LPP: variants seen among roughly 807,000 people sequenced by gnomAD.
The protein encoded by LPP is lipoma-preferred partner.
Under a neutral mutation model 60.4 loss-of-function variants are expected in LPP, and 38 were observed. That is an observed-to-expected ratio of 0.63 (90% CI 0.49 to 0.83). The LOEUF is 0.83. LPP is among the 40% of genes least tolerant of loss of function. LPP has a pLI of 0.00. For missense variants in LPP, 902 were observed against 783.6 expected, an observed-to-expected ratio of 1.15 and a Z score of -1.80; for synonymous variants, 328 against 290.8, an observed-to-expected ratio of 1.13 and a Z score of -1.30.
At chr3:188,219,885 C>T (rs1208305828) in intron 1 of LPP, among the ~76,000 whole-genome samples, 2 of 152,198 alleles carry the variant, frequency 1.3e-5, no homozygotes, top group Non-Finnish European at 2.9e-5. Flanking sequence ...CCCAATCCTC[C>T]TGTAAACTTC....
intron 1 of LPP, among the ~76,000 whole-genome samples, chr3:188,187,731 C>T (rs777302122): frequency 2.0e-5 from 3 of 151,922 alleles, no homozygotes; most frequent in Non-Finnish European, 2.9e-5. Flanking sequence ...TTATTTAAAC[C>T]CCTGTGTTTT....
At chr3:188,441,609 C>CTTTTTCTTTTTTTTTTTTTTTTTTTTT (rs1793903893) in intron 4 of LPP, among the ~76,000 whole-genome samples, 1 of 55,652 alleles carries the variant, frequency 1.8e-5, no homozygotes, top group Non-Finnish European at 3.4e-5. Flanking sequence ...CTTTTCTTTT[C>CTTTTTCTTTTTTTTTTTTTTTTTTTTT]TTTTTTTTTT....
intron 8 of LPP, among the ~76,000 whole-genome samples, chr3:188,731,516 T>TTTTGTTTTGTTTTGTTTTG (rs1553817764): frequency 7.5e-5 from 11 of 145,700 alleles, no homozygotes; most frequent in African/African-American, 1.0e-4. Context: ...TTTTTTGTTT[T>TTTTGTTTTGTTTTGTTTTG]TTTTGTTTTG....
intron 7 of LPP, among the ~76,000 whole-genome samples, chr3:188,672,312 A>G (rs775179388): frequency 3.3e-5 from 5 of 151,792 alleles, no homozygotes; most frequent in Non-Finnish European, 7.4e-5. Flanking sequence ...CATCCAGTGC[A>G]GAAGTTCATG....
intron 3 of LPP, among the ~76,000 whole-genome samples, chr3:188,356,968 G>A (rs1433975699): frequency 6.6e-6 from 1 of 152,154 alleles, no homozygotes; most frequent in Non-Finnish European, 1.5e-5. Context: ...GTGGGTGAAT[G>A]CCCACAACTT....
chr3:188,407,784 G>GTT lies in LPP; in HGVS notation c.193+1473_193+1474dup, dbSNP rs1397646143. The stretch of plus-strand genomic sequence containing the variant: ...TCATTTATGGTTTTTTTTTTTGTTT[G>GTT]TTTGTTTTTTTTTTTTTTTTTTTGA... On this transcript the variant is annotated intron_variant, in intron 4 of 11. Transcript: ENST00000617246. Among the ~76,000 whole-genome samples the GTT allele has an allele frequency of 6.2e-4, 71 of 114,808 alleles. 1 individual carries two copies. Among genetic ancestry groups the GTT allele is most frequent in the African/African-American group, 2.4e-3 (63 of 26,658 alleles). The allele number at this position is 114,808 out of a possible 152,430, so 75.3% of individuals were successfully genotyped here.
At chr3:188,624,450 G>T (rs771393356) in intron 7 of LPP, among the ~76,000 whole-genome samples, 1 of 152,120 alleles carries the variant, frequency 6.6e-6, no homozygotes. Flanking sequence ...AAAAACTGTC[G>T]TTCTTGAAAC....
At chr3:188,736,441 T>G (rs1217822386) in intron 8 of LPP, among the ~76,000 whole-genome samples, 1 of 152,150 alleles carries the variant, frequency 6.6e-6, no homozygotes, top group East Asian at 1.9e-4. Context: ...AAAAAAAATT[T>G]TATTCACATT....
chr3:188,676,617 T>C (rs972877300), intron 7 of LPP, among the ~76,000 whole-genome samples: 3 of 152,200 alleles, frequency 2.0e-5, no homozygotes, highest in Non-Finnish European at 2.9e-5. Flanking sequence ...AAAATCTCCA[T>C]CAACATCTAA....
intron 5 of LPP, among the ~76,000 whole-genome samples, chr3:188,521,186 C>T (rs1433497676): frequency 6.6e-6 from 1 of 152,210 alleles, no homozygotes; most frequent in Non-Finnish European, 1.5e-5. Context: ...TCTCCCCTCT[C>T]ACCCCACGCT....
intron 4 of LPP, among the ~76,000 whole-genome samples, chr3:188,411,720 C>T (rs1418807409): frequency 1.3e-5 from 2 of 152,118 alleles, no homozygotes; most frequent in Non-Finnish European, 2.9e-5. Flanking sequence ...AACCACCCCA[C>T]CCCCAAAAAT....
intron 7 of LPP, among the ~76,000 whole-genome samples, chr3:188,636,227 G>C (rs1248377909): frequency 6.6e-6 from 1 of 152,224 alleles, no homozygotes; most frequent in Non-Finnish European, 1.5e-5. Context: ...AGCAGGGCGA[G>C]GCATTGCCTC....
Position 188,868,312 on chromosome 3 carries a change from C to A in LPP, c.1589+1934C>A, listed in dbSNP as rs144699330. On this transcript the variant is annotated intron_variant, in intron 10 of 11. Transcript: ENST00000617246. ...AATTAAAACAGGAAATCAATTTTGA[C>A]AAATGCCAATTTATATCTATGCCAT... Among the ~76,000 whole-genome samples, 506 of 152,258 alleles carry A rather than the reference C, an allele frequency of 3.3e-3. 3 individuals carry two copies. Among genetic ancestry groups the A allele is most frequent in the African/African-American group, 0.012 (498 of 41,540 alleles).
Position 188,550,524 on chromosome 3 carries a change from G to A in LPP, c.429+25737G>A, listed in dbSNP as rs1827828529. On this transcript the variant is annotated intron_variant, in intron 6 of 11. Transcript: ENST00000617246. ...ACCTGAGAGGCGGAGGTTGCGGTGA[G>A]CCGAGATCACGCCACTGCACTCCAG... 2.2e-5 allele frequency among the ~76,000 whole-genome samples: 3 copies of A among 138,334 alleles called. No individual in the cohort carries two copies. The South Asian group carries it at 6.8e-4, about 32-fold the overall frequency. The allele number at this position is 138,334 out of a possible 152,430, so 90.8% of individuals were successfully genotyped here. A position where few individuals can be genotyped will look rare whatever the true frequency, so the allele number is the denominator to read the frequency against.
intron 2 of LPP, among the ~76,000 whole-genome samples, chr3:188,235,071 C>T (rs1721402092): frequency 6.6e-6 from 1 of 152,218 alleles, no homozygotes; most frequent in South Asian, 2.1e-4. Context: ...TTTAGGATGG[C>T]TGAAGGTGCT....
chr3:188,554,598 C>G (rs1435830214), intron 6 of LPP, among the ~76,000 whole-genome samples: 4 of 152,168 alleles, frequency 2.6e-5, no homozygotes, highest in African/African-American at 9.7e-5. Context: ...TCTTTCTAGT[C>G]CAGCACAGCT....
chr3:188,730,868 C>T (rs1240507195), intron 8 of LPP, among the ~76,000 whole-genome samples: 1 of 152,186 alleles, frequency 6.6e-6, no homozygotes, highest in Non-Finnish European at 1.5e-5. Context: ...TGACTTGTGG[C>T]CCTCTTTTTC....
At chr3:188,741,243 TG>T (rs576776477) in intron 8 of LPP, among the ~76,000 whole-genome samples, 9 of 151,218 alleles carry the variant, frequency 6.0e-5, no homozygotes, top group Admixed American at 2.6e-4. Flanking sequence ...TCCTTTGAAT[TG>T]GGGGGGGAAG....
intron 1 of LPP, among the ~76,000 whole-genome samples, chr3:188,203,400 A>ATTT (rs1243907397): frequency 1.6e-5 from 1 of 64,314 alleles, no homozygotes; most frequent in African/African-American, 4.8e-5. Flanking sequence ...ATTAATATAT[A>ATTT]TTTTTATAAA....
Sources: allele counts gnomAD v4.1 joint callset (sites outside exome capture counted in the v4.1 genomes callset), GRCh38; gene constraint gnomAD v4.1.1; transcripts MANE v1.5; gene names NCBI Gene and HGNC (gene_info 2026-07-23, HGNC 2026-07-21).